Variants in MAPK11 observed in about 807,000 individuals in gnomAD.
MAPK11 encodes the protein mitogen-activated protein kinase 11, also known as MAP kinase 11.
Under a neutral mutation model 52.2 loss-of-function variants are expected in MAPK11, and 44 were observed. The ratio of observed to expected loss-of-function variants is 0.84; its 90% confidence interval spans 0.66 to 1.08. The LOEUF is 1.08. MAPK11 is among the 50% of genes least tolerant of loss of function. MAPK11 has a pLI of 0.00. For synonymous variants in MAPK11, 233 were observed against 206.3 expected (o/e 1.13, Z -1.11); for missense variants, 436 against 494.7 (o/e 0.88, Z 1.13).
chr22:50,264,964 A>C lies in MAPK11; in HGVS notation c.1079T>G (p.Leu360Arg), dbSNP rs200627432. ...PPEPPKPPGS[L>R]EIEQ ...GGCAGCACCTCACTGCTCAATCTCC[A>C]GGCTGCCAGGTGGCTTCGGTGGCTC... Residue 360 changes from leucine to arginine, a missense_variant, in exon 12 of 12, where the codon CTG becomes CGG. Physicochemically the swap from Leu to Arg is moderately radical, Grantham distance 102 (BLOSUM62 -2). Transcript: ENST00000330651. 4.3e-6 allele frequency: 7 copies of C among 1,612,110 alleles called. No individual in the cohort carries two copies. Among genetic ancestry groups the C allele is most frequent in the Non-Finnish European group, 5.9e-6 (7 of 1,179,490 alleles).
rs375910211 is a variant in MAPK11 at position 50,266,919 on chromosome 22, G to C, written c.610+15C>G. 5.0e-6 allele frequency: 8 copies of C among 1,603,370 alleles called. No individual in the cohort carries two copies. Among genetic ancestry groups the C allele is most frequent in the Admixed American group, 1.7e-5 (1 of 59,986 alleles). ...GGCCCTTGGCCTTCGTCCCCCCAAGGCCTTCCCCCTGCACCTGTTTGGTTG... is the reference window on the plus strand; with the variant it reads ...GGCCCTTGGCCTTCGTCCCCCCAAGCCCTTCCCCCTGCACCTGTTTGGTTG... On this transcript the variant is annotated intron_variant, in intron 7 of 11. Transcript: ENST00000330651.
chr22:50,267,704 T>A (rs998240572), intron 2 of MAPK11, 77 bp from the exon 3 acceptor site: 3 of 1,438,018 alleles, frequency 2.1e-6, no homozygotes, highest in African/African-American at 3.0e-5. Context: ...ACGCCCCCAG[T>A]GCCAGGCCGC....
Position 50,265,246 on chromosome 22 carries a change from C to T in MAPK11, c.1015+75G>A, listed in dbSNP as rs1003290929. 24 of 1,567,470 alleles carry T rather than the reference C, an allele frequency of 1.5e-5. No individual in the cohort carries two copies. The African/African-American group carries it at 2.4e-4, about 16-fold the overall frequency. ...CACACCTGACCAGTCTGGAGAGGAA[C>T]TGGGGCATTTCCTGCCTCTGGGGAA... is the stretch of plus-strand genomic sequence containing the variant. On this transcript the variant is annotated intron_variant, in intron 11 of 11. Transcript: ENST00000330651.
At chr22:50,266,667 G>A in intron 7 of MAPK11, 56 bp from the exon 8 acceptor site, 1 of 1,523,110 alleles carries the variant, frequency 6.6e-7, no homozygotes, top group Admixed American at 1.8e-5. Context: ...CCCTCCTCCA[G>A]GAGACCCACA....
chr22:50,270,116 G>A lies in MAPK11; in HGVS notation c.116+61C>T. On this transcript the variant is annotated intron_variant, in intron 1 of 11. Transcript: ENST00000330651. This position sits in a 1 kb window ranked among gnomAD's most constrained non-coding sequence, Gnocchi z 6.3. ...GCCGAGAACCTCGCGCGGGCGAGGA[G>A]GGGACGCGCTCTCCGGCCCGGCCCG... 2 of 890,758 alleles carry A rather than the reference G, an allele frequency of 2.2e-6. No homozygotes were observed. The highest frequency in any genetic ancestry group is 2.4e-5 in the South Asian group (1 of 41,166). The allele number at this position is 890,758 out of a possible 1,614,324, so 55.2% of individuals were successfully genotyped here. A position where few individuals can be genotyped will look rare whatever the true frequency, so the allele number is the denominator to read the frequency against.
In MAPK11 at chr22:50,267,961, G is replaced by C; in HGVS notation, c.117-12C>G. 1 of 1,540,824 alleles carries C rather than the reference G, an allele frequency of 6.5e-7. No individual in the cohort carries two copies. Among genetic ancestry groups the C allele is most frequent in the Non-Finnish European group, 8.7e-7 (1 of 1,146,006 alleles). On this transcript the variant is annotated splice_polypyrimidine_tract_variant and intron_variant, in intron 1 of 11. Coordinates refer to ENST00000330651, the MANE Select transcript of MAPK11 (RefSeq NM_002751.7). ...CGTCGTAGGCCGAACTGGAAGGCGG[G>C]CGAGTGAGGCGGCGCCGGGAGGGGT...
At position 50,267,803 on chromosome 22, in the gene MAPK11, G is replaced by A. The variant is rs1313449230; in HGVS notation, c.246+17C>T. ...CCCCCGCACGCGCCCTCCCCCCACG[G>A]CCCTCCCCCGGCTCACGTTCTCGTG... On this transcript the variant is annotated intron_variant, in intron 2 of 11. Coordinates refer to ENST00000330651, the MANE Select transcript of MAPK11 (RefSeq NM_002751.7). The A allele has an allele frequency of 2.0e-6, 3 of 1,523,262 alleles. No individual in the cohort carries two copies. The highest frequency in any genetic ancestry group is 2.9e-5 in the African/African-American group (2 of 69,158). 94.4% of individuals were successfully genotyped at this position (1,523,262 alleles called of 1,614,324 possible).
rs2065270948 is a variant in MAPK11, at chr22:50,267,285, T to C, written c.419A>G (p.Tyr140Cys). Residue 140 changes from tyrosine (Y) to cysteine (C), a missense_variant and splice_region_variant, in exon 5 of 12, where the codon TAC becomes TGC. By Grantham distance (194) the Tyr-to-Cys change is radical (BLOSUM62 -2). Transcript: ENST00000330651. ...LVYQLLRGLK[Y>C]IHSAGIIHRD... Reference sequence around the variant, plus strand: ...GTGGATGATCCCGGCCGAGTGGATGTACTGCGGGAGGGGGATTGTGGTGAG... The same window carrying C: ...GTGGATGATCCCGGCCGAGTGGATGCACTGCGGGAGGGGGATTGTGGTGAG... The C allele has an allele frequency of 6.2e-7, 1 of 1,602,092 alleles. No homozygotes were observed. The highest frequency in any genetic ancestry group is 8.5e-7 in the Non-Finnish European group (1 of 1,176,124).
chr22:50,264,272 A>C lies in MAPK11; in HGVS notation c.*676T>G, dbSNP rs544195444. 35 of 152,358 alleles carry C rather than the reference A, an allele frequency of 2.3e-4. No homozygotes were observed. Among genetic ancestry groups the C allele is most frequent in the African/African-American group, 7.9e-4 (33 of 41,562 alleles). 9.4% of individuals were successfully genotyped at this position (152,358 alleles called of 1,614,324 possible). A position where few individuals can be genotyped will look rare whatever the true frequency, so the allele number is the denominator to read the frequency against. On this transcript the variant is annotated 3_prime_UTR_variant, in exon 12 of 12. Transcript: ENST00000330651. Reference sequence around the variant, plus strand: ...GCTGGCCTTGGGCGCCCACAGATTCACACGCACCACATCACATGTGCCCTG... The same window carrying C: ...GCTGGCCTTGGGCGCCCACAGATTCCCACGCACCACATCACATGTGCCCTG...
At chr22:50,267,755 C>T in intron 2 of MAPK11, 65 bp downstream of exon 2, 1 of 1,474,110 alleles carries the variant, frequency 6.8e-7, no homozygotes, top group Non-Finnish European at 9.0e-7. Flanking sequence ...GCTCGCCCGC[C>T]TATTGGCTGC....
chr22:50,267,686 C>T, intron 2 of MAPK11, 59 bp from the exon 3 acceptor site: 1 of 1,474,778 alleles, frequency 6.8e-7, no homozygotes, highest in Non-Finnish European at 9.0e-7. Context: ...TTCAGCTCCC[C>T]CCGGGCCACG....
rs1481566518 is a variant in MAPK11 at position 50,264,337 on chromosome 22, CCACA to C, written c.*607_*610del. Reference sequence around the variant, plus strand: ...GGAGTGCACGCTCATCCACACGTGCCCACACACACCCACGGGTGAACACAAGACT... The same window carrying C: ...GGAGTGCACGCTCATCCACACGTGCCCACACCCACGGGTGAACACAAGACT... On this transcript the variant is annotated 3_prime_UTR_variant, in exon 12 of 12. Coordinates refer to ENST00000330651, the MANE Select transcript of MAPK11 (RefSeq NM_002751.7). The C allele has an allele frequency of 1.3e-5, 2 of 153,108 alleles. No individual in the cohort carries two copies. Among genetic ancestry groups the C allele is most frequent in the African/African-American group, 4.8e-5 (2 of 41,448 alleles). The allele number at this position is 153,108 out of a possible 1,614,324, so 9.5% of individuals were successfully genotyped here. A position where few individuals can be genotyped will look rare whatever the true frequency, so the allele number is the denominator to read the frequency against.
intron 1 of MAPK11, among the ~76,000 whole-genome samples, chr22:50,268,175 C>G (rs976599061): frequency 6.6e-6 from 1 of 152,232 alleles, no homozygotes; most frequent in Non-Finnish European, 1.5e-5. Context: ...GTGTTCACCC[C>G]ACAAGGTCCT....
chr22:50,265,798 C>T lies in MAPK11; in HGVS notation c.763-138G>A, dbSNP rs548249382. 3.5e-5 allele frequency: 22 copies of T among 624,490 alleles called. No homozygotes were observed. In the African/African-American group the frequency reaches 3.9e-4, roughly 11 times the overall value. 38.7% of individuals were successfully genotyped at this position (624,490 alleles called of 1,614,324 possible). A position where few individuals can be genotyped will look rare whatever the true frequency, so the allele number is the denominator to read the frequency against. On this transcript the variant is annotated intron_variant, in intron 9 of 11. Transcript: ENST00000330651. The stretch of plus-strand genomic sequence containing the variant: ...AAGGGCACAGGCAGACCAGTGACCC[C>T]CTCCATATAGGATCTGGTGGTTCTA...
rs1217085923 is a variant in MAPK11 at position 50,264,283 on chromosome 22, A to G, written c.*665T>C. 6.6e-6 allele frequency: 1 copy of G among 152,256 alleles called. No individual in the cohort carries two copies. Among genetic ancestry groups the G allele is most frequent in the Non-Finnish European group, 1.5e-5 (1 of 68,088 alleles). 9.4% of individuals were successfully genotyped at this position (152,256 alleles called of 1,614,324 possible). A position where few individuals can be genotyped will look rare whatever the true frequency, so the allele number is the denominator to read the frequency against. ...GCGCCCACAGATTCACACGCACCAC[A>G]TCACATGTGCCCTGACATATGAACA... On this transcript the variant is annotated 3_prime_UTR_variant, in exon 12 of 12. Transcript: ENST00000330651.
At chr22:50,267,214 G>A (rs372237215) in intron 5 of MAPK11, 40 bp from the exon 6 acceptor site, 32 of 1,609,484 alleles carry the variant, frequency 2.0e-5, no homozygotes, top group African/African-American at 1.3e-4. Context: ...AGGCTGGGAC[G>A]GAGCCCTGCT....
chr22:50,270,035 A>C lies in MAPK11; in HGVS notation c.116+142T>G. 3 of 248,034 alleles carry C rather than the reference A, an allele frequency of 1.2e-5. No individual in the cohort carries two copies. Among genetic ancestry groups the C allele is most frequent in the South Asian group, 3.1e-4 (2 of 6,548 alleles). 15.4% of individuals were successfully genotyped at this position (248,034 alleles called of 1,614,324 possible). ...CGCCGCCACCCCCGCCCCCCCATTC[A>C]TTCCTCAGATCCGCTTGGCGCCCGG... is the stretch of plus-strand genomic sequence containing the variant. On this transcript the variant is annotated intron_variant, in intron 1 of 11. Transcript: ENST00000330651. This position sits in a 1 kb window ranked among gnomAD's most constrained non-coding sequence, Gnocchi z 6.3.
At chr22:50,267,686 CCCGGGCCACGCCCCCAGTG>C in intron 2 of MAPK11, 59 bp from the exon 3 acceptor site, 1 of 1,474,778 alleles carries the variant, frequency 6.8e-7, no homozygotes, top group Non-Finnish European at 9.0e-7. Context: ...TTCAGCTCCC[CCCGGGCCACGCCCCCAGTG>C]CCAGGCCGCG....
At position 50,270,127 on chromosome 22, in the gene MAPK11, C is replaced by T. The variant is rs2065296673; in HGVS notation, c.116+50G>A. Reference sequence around the variant, plus strand: ...CGCGCGGGCGAGGAGGGGACGCGCTCTCCGGCCCGGCCCGGCCCCCACCCA... The same window carrying T: ...CGCGCGGGCGAGGAGGGGACGCGCTTTCCGGCCCGGCCCGGCCCCCACCCA... On this transcript the variant is annotated intron_variant, in intron 1 of 11. Transcript: ENST00000330651. This position sits in a 1 kb window ranked among gnomAD's most constrained non-coding sequence, Gnocchi z 6.3. The T allele has an allele frequency of 1.9e-6, 2 of 1,043,764 alleles. No homozygotes were observed. Among genetic ancestry groups the T allele is most frequent in the African/African-American group, 3.4e-5 (2 of 58,798 alleles). 64.7% of individuals were successfully genotyped at this position (1,043,764 alleles called of 1,614,324 possible).
Sources: gnomAD v4.1 joint callset for allele counts (sites outside exome capture counted in the v4.1 genomes callset) on GRCh38, gnomAD v4.1.1 for gene constraint, Gnocchi (gnomAD v3.1) non-coding constraint, MANE v1.5 for transcripts, NCBI Gene and HGNC (gene_info 2026-07-23, HGNC 2026-07-21) for gene names.